UNC5C: variants seen among roughly 807,000 people sequenced by gnomAD.
UNC5C encodes unc-5 netrin receptor C.
UNC5C carries 47 observed loss-of-function variants against 99.8 expected under a neutral mutation model. The observed-to-expected ratio is 0.47, with a 90% CI of 0.37 to 0.60. UNC5C has a LOEUF of 0.60. Among genes scored for constraint, UNC5C ranks in the 20% least tolerant of loss-of-function variants. The pLI, the probability that UNC5C is intolerant of heterozygous loss-of-function variation, is 0.00. For synonymous variants in UNC5C, 487 were observed against 452.2 expected (o/e 1.08, Z -0.98); for missense variants, 1,062 against 1,165.9 (o/e 0.91, Z 1.30).
intron 1 of UNC5C, among the ~76,000 whole-genome samples, chr4:95,478,542 C>T (rs556197302): frequency 1.3e-5 from 2 of 152,096 alleles, no homozygotes; most frequent in South Asian, 4.1e-4. Context: ...CTTTCAATAT[C>T]TGAGTGGTTA....
At chr4:95,397,586 A>C (rs1438763128) in intron 1 of UNC5C, among the ~76,000 whole-genome samples, 2 of 152,196 alleles carry the variant, frequency 1.3e-5, no homozygotes, top group African/African-American at 4.8e-5. Context: ...TAGAAAAAGC[A>C]CATTGAACAG....
At chr4:95,354,479 A>ATATATATATATATATTTTTTTTT in intron 1 of UNC5C, among the ~76,000 whole-genome samples, 1 of 110,352 alleles carries the variant, frequency 9.1e-6, no homozygotes, top group Admixed American at 9.4e-5. Context: ...ATATATATAT[A>ATATATATATATATATTTTTTTTT]TTTTTTTTTT....
rs1721910759 is a variant in UNC5C, at chr4:95,505,973, G to GCT, written c.124+42760_124+42761insAG. Among the ~76,000 whole-genome samples the GCT allele has an allele frequency of 2.0e-5, 3 of 152,052 alleles. No homozygotes were observed. In the South Asian group the frequency reaches 6.2e-4, roughly 32 times the overall value. ...CTCTAAAGGGTTTTTTTTATTGAAA[G>GCT]TGCTACCAGAAGACTAGAAAATATG... On this transcript the variant is annotated intron_variant, in intron 1 of 15. Coordinates refer to ENST00000453304, the MANE Select transcript of UNC5C (RefSeq NM_003728.4).
chr4:95,529,562 C>T (rs1255353113), intron 1 of UNC5C, among the ~76,000 whole-genome samples: 1 of 151,412 alleles, frequency 6.6e-6, no homozygotes, highest in African/African-American at 2.4e-5. Flanking sequence ...CCCATCTCTA[C>T]AAAAAACTAA....
intron 3 of UNC5C, among the ~76,000 whole-genome samples, chr4:95,301,337 A>G (rs1037864536): frequency 1.3e-5 from 2 of 151,896 alleles, no homozygotes; most frequent in Non-Finnish European, 2.9e-5. Flanking sequence ...CTGGGACTAC[A>G]GGCGCCTGCC....
At chr4:95,289,570 A>T (rs6810943) in intron 3 of UNC5C, among the ~76,000 whole-genome samples, 99,026 of 151,796 alleles carry the variant, frequency 0.65, 33,203 homozygotes, top group African/African-American at 0.82. Flanking sequence ...ATATTTTTTT[A>T]AAAAAAGCTG....
intron 2 of UNC5C, among the ~76,000 whole-genome samples, chr4:95,330,190 C>T (rs1301245854): frequency 6.6e-6 from 1 of 151,964 alleles, no homozygotes; most frequent in Non-Finnish European, 1.5e-5. Context: ...TTGTCCTCTG[C>T]TAAGATCAAA....
intron 1 of UNC5C, among the ~76,000 whole-genome samples, chr4:95,544,461 T>C (rs1323338903): frequency 6.6e-6 from 1 of 152,206 alleles, no homozygotes. Context: ...GAATCCTAGC[T>C]TCACCTATGT....
chr4:95,401,808 C>A (rs981382331), intron 1 of UNC5C, among the ~76,000 whole-genome samples: 7 of 152,218 alleles, frequency 4.6e-5, no homozygotes, highest in Non-Finnish European at 1.0e-4. Context: ...GGGAGGAGGC[C>A]AGGGACAATA....
At chr4:95,205,101 A>G (rs1390123590) in intron 11 of UNC5C, among the ~76,000 whole-genome samples, 4 of 152,132 alleles carry the variant, frequency 2.6e-5, no homozygotes, top group Admixed American at 2.6e-4. Context: ...CCTAGAAGAC[A>G]TGGCCAAAGA....
At chr4:95,324,200 G>C (rs1742804655) in intron 2 of UNC5C, among the ~76,000 whole-genome samples, 1 of 152,116 alleles carries the variant, frequency 6.6e-6, no homozygotes. Flanking sequence ...ATTACATCCT[G>C]AGCTCTGCCT....
chr4:95,319,590 G>A (rs1229100480), intron 2 of UNC5C, among the ~76,000 whole-genome samples: 5 of 152,116 alleles, frequency 3.3e-5, no homozygotes, highest in Non-Finnish European at 5.9e-5. Flanking sequence ...AGAGGATCTG[G>A]CAAGAATGGA....
chr4:95,417,044 A>G (rs1746184569), intron 1 of UNC5C, among the ~76,000 whole-genome samples: 2 of 152,232 alleles, frequency 1.3e-5, no homozygotes, highest in African/African-American at 4.8e-5. Flanking sequence ...AAAGGGGGCC[A>G]AGGAACATGC....
chr4:95,180,233 A>C (rs1171841065), intron 14 of UNC5C, among the ~76,000 whole-genome samples: 1 of 151,990 alleles, frequency 6.6e-6, no homozygotes, highest in Non-Finnish European at 1.5e-5. Flanking sequence ...GAAAGGATTA[A>C]GTAATTGGCC....
At chr4:95,177,376 C>T (rs1460520757) in intron 14 of UNC5C, among the ~76,000 whole-genome samples, 1 of 150,256 alleles carries the variant, frequency 6.7e-6, no homozygotes, top group East Asian at 2.0e-4. Context: ...GTGCTCAGCT[C>T]AGGGGCTCAA....
intron 1 of UNC5C, among the ~76,000 whole-genome samples, chr4:95,501,366 C>T (rs573260356): frequency 6.6e-6 from 1 of 152,038 alleles, no homozygotes; most frequent in Non-Finnish European, 1.5e-5. Context: ...TCCACAAATA[C>T]AGTATTTACA....
At chr4:95,257,298 G>A (rs1740039566) in intron 4 of UNC5C, among the ~76,000 whole-genome samples, 1 of 152,082 alleles carries the variant, frequency 6.6e-6, no homozygotes, top group Non-Finnish European at 1.5e-5. Flanking sequence ...CAGCTACTTG[G>A]GAGGCTAAGG....
intron 2 of UNC5C, among the ~76,000 whole-genome samples, chr4:95,302,668 G>T (rs1374864773): frequency 6.6e-6 from 1 of 152,172 alleles, no homozygotes; most frequent in East Asian, 1.9e-4. Flanking sequence ...TAGGGAGGAG[G>T]AGAATTTGCT....
intron 7 of UNC5C, among the ~76,000 whole-genome samples, chr4:95,238,213 A>G (rs1004418460): frequency 6.6e-6 from 1 of 152,124 alleles, no homozygotes; most frequent in Non-Finnish European, 1.5e-5. Flanking sequence ...AGTTTAATTC[A>G]TTTACATTAT....
Sources: gnomAD v4.1 joint callset for allele counts (sites outside exome capture counted in the v4.1 genomes callset) on GRCh38, gnomAD v4.1.1 for gene constraint, MANE v1.5 for transcripts, NCBI Gene and HGNC (gene_info 2026-07-23, HGNC 2026-07-21) for gene names.